Variants in PMM1 observed in about 807,000 individuals in gnomAD.
The protein encoded by PMM1 is phosphomannomutase 1.
A neutral mutation model predicts 34.0 loss-of-function variants in PMM1; 25 were observed. That is an observed-to-expected ratio of 0.73 (90% CI 0.54 to 1.03). The LOEUF is 1.03. Among genes scored for constraint, PMM1 ranks in the 50% least tolerant of loss-of-function variants. The probability of loss-of-function intolerance (pLI) is 0.00; values close to 1 mark genes in which losing one functional copy is unlikely to be tolerated. For missense variants in PMM1, 321 were observed against 350.1 expected (o/e 0.92, Z 0.66); for synonymous variants, 134 against 143.9 (o/e 0.93, Z 0.49).
At position 41,583,925 on chromosome 22, in the gene PMM1, C is replaced by T. The variant is rs199895663; in HGVS notation, c.474+34G>A. ...GCTCAGATAAATTGAGTGACTGAGG[C>T]CCTACAGGCCTAAGATTGCATAGCT... On this transcript the variant is annotated intron_variant, in intron 5 of 7. Transcript: ENST00000216259. The T allele has an allele frequency of 1.2e-5, 15 of 1,264,760 alleles. No homozygotes were observed. In the Admixed American group the frequency reaches 1.8e-4, roughly 16 times the overall value. The allele number at this position is 1,264,760 out of a possible 1,614,324, so 78.3% of individuals were successfully genotyped here.
In PMM1 at chr22:41,578,795, G is replaced by A. The variant is rs1355556039; in HGVS notation, c.550+11C>T. The stretch of plus-strand genomic sequence containing the variant: ...ACCAGGCCTCCCAGGTCCTCTGCAG[G>A]GTGGACGTACCTCGAGAGAACCTCA... On this transcript the variant is annotated intron_variant, in intron 6 of 7. Transcript: ENST00000216259. The A allele has an allele frequency of 2.5e-6, 4 of 1,612,490 alleles. No homozygotes were observed. In the African/African-American group the frequency reaches 5.3e-5, roughly 22 times the overall value.
intron 5 of PMM1, among the ~76,000 whole-genome samples, chr22:41,582,144 CAAAA>C (rs58541345): frequency 9.5e-6 from 1 of 105,112 alleles, no homozygotes; most frequent in Non-Finnish European, 2.0e-5. Flanking sequence ...ACTCAGTCTC[CAAAA>C]AAAAAAAAAC....
At chr22:41,589,064 TCA>T (rs1461473052) in intron 1 of PMM1, 2 of 1,300,326 alleles carry the variant, frequency 1.5e-6, no homozygotes, top group East Asian at 1.1e-4. Flanking sequence ...TCACTATTCC[TCA>T]GTGTCCTCAC....
At position 41,576,921 on chromosome 22, in the gene PMM1, C is replaced by G. The variant is rs992920775; in HGVS notation, c.*397G>C. On this transcript the variant is annotated 3_prime_UTR_variant, in exon 8 of 8. Transcript: ENST00000216259. ...CTACTTTGTTCTGGGAACTTTAATA[C>G]TGTGACAAAGTTCTCTAAAATAGGC... 3.2e-6 allele frequency: 1 copy of G among 317,088 alleles called. No homozygotes were observed. The highest frequency in any genetic ancestry group is 2.2e-5 in the African/African-American group (1 of 46,280). The allele number at this position is 317,088 out of a possible 1,614,324, so 19.6% of individuals were successfully genotyped here.
At chr22:41,589,303 G>C (rs1245838736) in intron 1 of PMM1, 2 of 438,136 alleles carry the variant, frequency 4.6e-6, no homozygotes, top group African/African-American at 4.0e-5. Context: ...GTGCTTGTGT[G>C]CCTGGAACCC....
At chr22:41,589,315 G>A (rs1012855303) in intron 1 of PMM1, 3 of 432,500 alleles carry the variant, frequency 6.9e-6, no homozygotes, top group African/African-American at 2.0e-5. Flanking sequence ...CTGGAACCCC[G>A]GTTCAGAAGC....
At chr22:41,578,934 C>T (rs1461919120) in intron 5 of PMM1, 53 bp from the exon 6 acceptor site, 1 of 1,514,732 alleles carries the variant, frequency 6.6e-7, no homozygotes, top group Non-Finnish European at 9.2e-7. Context: ...GTGTGCCAGG[C>T]CCTGGCTGGG....
At chr22:41,588,589 A>G in intron 1 of PMM1, 1 of 903,500 alleles carries the variant, frequency 1.1e-6, no homozygotes, top group Non-Finnish European at 1.3e-6. Context: ...TCCTGACCTC[A>G]GGTGATCTGC....
chr22:41,587,815 G>T (rs139870102), intron 1 of PMM1, among the ~76,000 whole-genome samples: 87 of 152,330 alleles, frequency 5.7e-4, no homozygotes, highest in Admixed American at 1.2e-3. Flanking sequence ...CCCAAGTGCG[G>T]TCAGAGTGGA....
intron 7 of PMM1, 54 bp downstream of exon 7, chr22:41,577,754 C>T: frequency 7.3e-7 from 1 of 1,360,930 alleles, no homozygotes; most frequent in Non-Finnish European, 1.0e-6. Flanking sequence ...GCCACCAGAC[C>T]TGGCTTCTCA....
chr22:41,583,505 G>C (rs2067270017), intron 5 of PMM1, among the ~76,000 whole-genome samples: 1 of 152,072 alleles, frequency 6.6e-6, no homozygotes, highest in Admixed American at 6.6e-5. Flanking sequence ...AAGAAAGAAA[G>C]GTTCTCAGTG....
At position 41,577,195 on chromosome 22, in the gene PMM1, G is replaced by T. The variant is rs970195864; in HGVS notation, c.*123C>A. The T allele has an allele frequency of 4.8e-5, 63 of 1,321,604 alleles. No homozygotes were observed. Among genetic ancestry groups the T allele is most frequent in the African/African-American group, 4.7e-4 (33 of 69,608 alleles). 81.9% of individuals were successfully genotyped at this position (1,321,604 alleles called of 1,614,324 possible). Reference sequence around the variant, plus strand: ...TCCACACAGACTCTGGCCCCATCTGGGTGGGCTTGCAGCAGGCGTCCTGGG... The same window carrying T: ...TCCACACAGACTCTGGCCCCATCTGTGTGGGCTTGCAGCAGGCGTCCTGGG... On this transcript the variant is annotated 3_prime_UTR_variant, in exon 8 of 8. Transcript: ENST00000216259.
Position 41,586,051 on chromosome 22 carries a change from C to CCT in PMM1, c.205+23_205+24dup, listed in dbSNP as rs761700966. 5.9e-5 allele frequency: 91 copies of CCT among 1,551,542 alleles called. No homozygotes were observed. In the African/African-American group the frequency reaches 1.0e-3, roughly 18 times the overall value. On this transcript the variant is annotated intron_variant, in intron 2 of 7. Transcript: ENST00000216259. ...CAGGAATCTCTCAAACTCCCCACTC[C>CCT]CTCTACCCCCAGCCTCACTCCTACC... is the stretch of plus-strand genomic sequence containing the variant.
Position 41,584,380 on chromosome 22 carries a change from A to G in PMM1, c.283-8T>C. 6.2e-7 allele frequency: 1 copy of G among 1,613,462 alleles called. No homozygotes were observed. The highest frequency in any genetic ancestry group is 1.6e-4 in the Middle Eastern group (1 of 6,062). On this transcript the variant is annotated splice_region_variant and splice_polypyrimidine_tract_variant and intron_variant, in intron 3 of 7. Coordinates refer to ENST00000216259, the MANE Select transcript of PMM1 (RefSeq NM_002676.3). Reference sequence around the variant, plus strand: ...CAGGTGGTTCTGGATGGTCTGGCCAAGGAACACAGGGCTCTGAGCGTGGCC... The same window carrying G: ...CAGGTGGTTCTGGATGGTCTGGCCAGGGAACACAGGGCTCTGAGCGTGGCC...
At chr22:41,577,526 C>G in intron 7 of PMM1, 86 bp from the exon 8 acceptor site, 1 of 1,429,114 alleles carries the variant, frequency 7.0e-7, no homozygotes, top group African/African-American at 1.4e-5. Context: ...CTCCTCCTGC[C>G]CCTTCAGAAC....
chr22:41,577,466 G>A, intron 7 of PMM1, 26 bp from the exon 8 acceptor site: 2 of 1,598,474 alleles, frequency 1.3e-6, no homozygotes, highest in Non-Finnish European at 1.7e-6. Flanking sequence ...GGGCAGAGGA[G>A]GGATATTTAG....
At chr22:41,588,582 T>C in intron 1 of PMM1, 1 of 878,576 alleles carries the variant, frequency 1.1e-6, no homozygotes, top group Non-Finnish European at 1.4e-6. Flanking sequence ...CTAGAATTCC[T>C]GACCTCAGGT....
intron 5 of PMM1, among the ~76,000 whole-genome samples, chr22:41,582,145 A>G (rs1223234258): frequency 7.2e-6 from 1 of 139,306 alleles, no homozygotes; most frequent in Non-Finnish European, 1.5e-5. Context: ...CTCAGTCTCC[A>G]AAAAAAAAAA....
chr22:41,589,415 G>A, intron 1 of PMM1: 1 of 511,910 alleles, frequency 2.0e-6, no homozygotes, highest in South Asian at 2.0e-5. Flanking sequence ...GGCCTTAGCG[G>A]CGTGTGACAG....
Sources: allele counts gnomAD v4.1 joint callset (sites outside exome capture counted in the v4.1 genomes callset), GRCh38; gene constraint gnomAD v4.1.1; transcripts MANE v1.5; gene names NCBI Gene and HGNC (gene_info 2026-07-23, HGNC 2026-07-21).